KCNQ5: variants seen among roughly 807,000 people sequenced by gnomAD.
KCNQ5 encodes the protein potassium voltage-gated channel subfamily Q member 5.
In KCNQ5, 30 loss-of-function variants were observed where a neutral mutation model predicts 98.2. The observed-to-expected ratio is 0.31, with a 90% CI of 0.23 to 0.41. The LOEUF (loss-of-function observed/expected upper bound fraction) is 0.41, where lower values mean the gene tolerates loss of function less well. Ranked by LOEUF, KCNQ5 falls within the 10% of genes least tolerant of loss-of-function variation. The pLI, the probability that KCNQ5 is intolerant of heterozygous loss-of-function variation, is 1.00. For missense variants in KCNQ5, 835 were observed against 1,182.5 expected, an observed-to-expected ratio of 0.71 and a Z score of 4.31; for synonymous variants, 458 against 449.4, an observed-to-expected ratio of 1.02 and a Z score of -0.24.
chr6:73,081,700 T>C (rs991028378), intron 5 of KCNQ5, among the ~76,000 whole-genome samples: 13 of 152,188 alleles, frequency 8.5e-5, no homozygotes, highest in Non-Finnish European at 1.8e-4. Flanking sequence ...TATTTGTTGA[T>C]TTGTTGCCTG....
intron 2 of KCNQ5, among the ~76,000 whole-genome samples, chr6:73,005,450 A>G (rs998536612): frequency 2.6e-5 from 4 of 152,202 alleles, no homozygotes; most frequent in Admixed American, 2.6e-4. Flanking sequence ...GAATAAATCA[A>G]TCATTAGGAA....
At chr6:73,129,738 C>T (rs1254194930) in intron 9 of KCNQ5, 6 of 1,481,174 alleles carry the variant, frequency 4.1e-6, no homozygotes, top group Non-Finnish European at 5.6e-6. Context: ...TCCCTGAGCA[C>T]TTTCCTATTC....
chr6:72,819,918 C>G (rs1582352365), intron 1 of KCNQ5, among the ~76,000 whole-genome samples: 2 of 152,144 alleles, frequency 1.3e-5, no homozygotes, highest in African/African-American at 4.8e-5. Flanking sequence ...GGTTTCTGCT[C>G]CTGACACTTT....
rs553963325 is a variant in KCNQ5, at chr6:73,150,020, A to G, written c.1468+16379A>G. Among the ~76,000 whole-genome samples, 18 of 149,688 alleles carry G rather than the reference A, an allele frequency of 1.2e-4. 1 individual carries two copies. The South Asian group carries it at 2.3e-3, about 19-fold the overall frequency. ...AACACCACAGGGGAAAAAAAAAAAA[A>G]CACCAGTTGAATAAGAAAATAGGCA... On this transcript the variant is annotated intron_variant, in intron 10 of 13. Transcript: ENST00000370398.
At chr6:72,973,703 C>T (rs897445129) in intron 1 of KCNQ5, among the ~76,000 whole-genome samples, 2 of 152,230 alleles carry the variant, frequency 1.3e-5, no homozygotes, top group Middle Eastern at 3.4e-3. Flanking sequence ...AATACTCTTC[C>T]GATCAACTGA....
chr6:73,036,114 C>T (rs896515876), intron 2 of KCNQ5, among the ~76,000 whole-genome samples: 1 of 151,652 alleles, frequency 6.6e-6, no homozygotes, highest in Admixed American at 6.6e-5. Flanking sequence ...CGGCCGGGCA[C>T]GGTGGCTCAC....
chr6:73,132,300 G>A (rs1201522688), intron 9 of KCNQ5, among the ~76,000 whole-genome samples: 1 of 151,972 alleles, frequency 6.6e-6, no homozygotes, highest in Non-Finnish European at 1.5e-5. Flanking sequence ...CAGACTCATT[G>A]CCCAGGATTT....
chr6:72,829,125 C>T (rs1005028201), intron 1 of KCNQ5, among the ~76,000 whole-genome samples: 1 of 152,090 alleles, frequency 6.6e-6, no homozygotes, highest in African/African-American at 2.4e-5. Context: ...TCTCCTCCCA[C>T]AGTACTGTGG....
Position 73,169,823 on chromosome 6 carries a change from C to T in KCNQ5, c.1546C>T (p.Pro516Ser), listed in dbSNP as rs767297128. Residue 516 changes from proline (P) to serine (S), a missense_variant, in exon 11 of 14, where the codon CCA (proline) becomes TCA (serine). By Grantham distance (74) the Pro-to-Ser change is moderately conservative. Around this residue, in one of 10 missense-constraint regions of KCNQ5, gnomAD observed 146 missense variants for 256.7 expected, o/e 0.57. Coordinates refer to ENST00000370398, the MANE Select transcript of KCNQ5 (RefSeq NM_019842.4). ...QCDVSVEDLT[P>S]PLKTVIRAIR... Reference sequence around the variant, plus strand: ...TGATGTATCAGTGGAAGACCTCACCCCACCACTTAAAACTGTCATTCGAGC... The same window carrying T: ...TGATGTATCAGTGGAAGACCTCACCTCACCACTTAAAACTGTCATTCGAGC... 6 of 1,612,978 alleles carry T rather than the reference C, an allele frequency of 3.7e-6. No homozygotes were observed. The highest frequency in any genetic ancestry group is 5.1e-6 in the Non-Finnish European group (6 of 1,178,962).
At chr6:73,172,585 T>A (rs1778050424) in intron 11 of KCNQ5, among the ~76,000 whole-genome samples, 1 of 152,214 alleles carries the variant, frequency 6.6e-6, no homozygotes, top group Non-Finnish European at 1.5e-5. Flanking sequence ...GTTCTTTTCC[T>A]AAGGTGTTTA....
At chr6:72,831,148 T>A (rs772803491) in intron 1 of KCNQ5, among the ~76,000 whole-genome samples, 2 of 152,118 alleles carry the variant, frequency 1.3e-5, no homozygotes, top group Non-Finnish European at 2.9e-5. Flanking sequence ...AAACTAGTTC[T>A]ACCATTGTGG....
intron 8 of KCNQ5, among the ~76,000 whole-genome samples, chr6:73,123,088 G>C (rs1381454425): frequency 6.6e-6 from 1 of 151,624 alleles, no homozygotes; most frequent in Non-Finnish European, 1.5e-5. Flanking sequence ...GATGTGCAAG[G>C]CATAGTTCTA....
chr6:72,907,808 A>G (rs1463950992), intron 1 of KCNQ5, among the ~76,000 whole-genome samples: 3 of 152,162 alleles, frequency 2.0e-5, no homozygotes, highest in African/African-American at 7.2e-5. Context: ...CAATCCCACT[A>G]AAGACTTTTT....
chr6:72,902,069 G>C (rs576151025), intron 1 of KCNQ5, among the ~76,000 whole-genome samples: 4 of 151,948 alleles, frequency 2.6e-5, no homozygotes, highest in African/African-American at 4.8e-5. Flanking sequence ...TCACCTCCTC[G>C]GTTAGGTATA....
In KCNQ5 at chr6:73,034,787, T is replaced by G. The variant is rs373948033; in HGVS notation, c.490-7149T>G. Among the ~76,000 whole-genome samples the G allele has an allele frequency of 1.2e-3, 187 of 151,976 alleles. No individual in the cohort carries two copies. In the South Asian group the frequency reaches 0.037, roughly 30 times the overall value. On this transcript the variant is annotated intron_variant, in intron 2 of 13. Coordinates refer to ENST00000370398, the MANE Select transcript of KCNQ5 (RefSeq NM_019842.4). ...AGAGGGTTAATATGGATTGGTATTC[T>G]CAATACATATTGTAGATAAAATTCA... is the stretch of plus-strand genomic sequence containing the variant.
intron 1 of KCNQ5, among the ~76,000 whole-genome samples, chr6:72,681,795 T>A (rs1026547932): frequency 6.6e-6 from 1 of 152,202 alleles, no homozygotes; most frequent in Non-Finnish European, 1.5e-5. Context: ...CTGTGAACCA[T>A]TCCCTTTCAA....
rs200559724 is a variant in KCNQ5 at position 72,831,073 on chromosome 6, G to GA, written c.399-172832dup. On this transcript the variant is annotated intron_variant, in intron 1 of 13. Coordinates refer to ENST00000370398, the MANE Select transcript of KCNQ5 (RefSeq NM_019842.4). ...AGAATGGCGATCATTAAAAAGTCAG[G>GA]AAACAACAGGTGCTGGAGAGGACGT... Among the ~76,000 whole-genome samples, 1,095 of 152,232 alleles carry GA rather than the reference G, an allele frequency of 7.2e-3. 10 individuals are homozygous for GA. The highest frequency in any genetic ancestry group is 0.01 in the Middle Eastern group (3 of 294).
At chr6:73,127,791 A>C (rs1776050680) in intron 9 of KCNQ5, among the ~76,000 whole-genome samples, 1 of 152,250 alleles carries the variant, frequency 6.6e-6, no homozygotes. Flanking sequence ...GGCCAAGTGC[A>C]GTGCCTCATG....
intron 1 of KCNQ5, among the ~76,000 whole-genome samples, chr6:72,726,742 T>C (rs1475116693): frequency 6.6e-6 from 1 of 152,162 alleles, no homozygotes; most frequent in African/African-American, 2.4e-5. Context: ...TTCTGTTCTG[T>C]AGTTAAAGGA....
Sources: gnomAD v4.1 joint callset for allele counts (sites outside exome capture counted in the v4.1 genomes callset) on GRCh38, gnomAD v4.1.1 for gene constraint, gnomAD v4.1.1 regional missense constraint, MANE v1.5 for transcripts, NCBI Gene and HGNC (gene_info 2026-07-23, HGNC 2026-07-21) for gene names.